THBS1: variants seen among roughly 807,000 people sequenced by gnomAD.
THBS1 encodes the protein thrombospondin-1.
In THBS1, 29 loss-of-function variants were observed where a neutral mutation model predicts 126.1. The observed-to-expected ratio is 0.23, with a 90% confidence interval of 0.17 to 0.31. The LOEUF is 0.31. THBS1 is among the 10% of genes least tolerant of loss of function. THBS1 has a pLI of 1.00. For synonymous variants in THBS1, 496 were observed against 577.8 expected (o/e 0.86, Z 2.03); for missense variants, 1,198 against 1,545.2 (o/e 0.78, Z 3.77).
chr15:39,591,010 T>G (rs1373932898), intron 14 of THBS1, 181 bp from the exon 15 acceptor site: 1 of 676,918 alleles, frequency 1.5e-6, no homozygotes, highest in Non-Finnish European at 2.4e-6. Context: ...GGATCCATTT[T>G]TTTAACTATG....
rs1236963986 is a variant in THBS1, at chr15:39,596,635, G to A, written c.*1266G>A. On this transcript the variant is annotated 3_prime_UTR_variant, in exon 22 of 22. Coordinates refer to ENST00000260356, the MANE Select transcript of THBS1 (RefSeq NM_003246.4). Reference sequence around the variant, plus strand: ...AGCACAAGGAAAATCAGTCTAATAAGCTGCTCTGCCCCTTGTGCTCAGAGT... The same window carrying A: ...AGCACAAGGAAAATCAGTCTAATAAACTGCTCTGCCCCTTGTGCTCAGAGT... 6.6e-6 allele frequency: 1 copy of A among 152,186 alleles called. No homozygotes were observed. Among genetic ancestry groups the A allele is most frequent in the African/African-American group, 2.4e-5 (1 of 41,448 alleles). The allele number at this position is 152,186 out of a possible 1,614,324, so 9.4% of individuals were successfully genotyped here.
chr15:39,595,450 C>T lies in THBS1; in HGVS notation c.*81C>T, dbSNP rs1460673305. The T allele has an allele frequency of 2.7e-6, 4 of 1,462,938 alleles. No individual in the cohort carries two copies. The highest frequency in any genetic ancestry group is 3.6e-6 in the Non-Finnish European group (4 of 1,100,976). The allele number at this position is 1,462,938 out of a possible 1,614,324, so 90.6% of individuals were successfully genotyped here. Reference sequence around the variant, plus strand: ...CTGGAACTATGGGCTTGAGAAAACCCCCAGGATCACTTCTCCTTGGCTTCC... The same window carrying T: ...CTGGAACTATGGGCTTGAGAAAACCTCCAGGATCACTTCTCCTTGGCTTCC... On this transcript the variant is annotated 3_prime_UTR_variant, in exon 22 of 22. Coordinates refer to ENST00000260356, the MANE Select transcript of THBS1 (RefSeq NM_003246.4).
chr15:39,582,980 G>A (rs972255890), intron 3 of THBS1, among the ~76,000 whole-genome samples: 2 of 152,224 alleles, frequency 1.3e-5, no homozygotes, highest in African/African-American at 4.8e-5. Flanking sequence ...TGATGCTGAT[G>A]CCGGTGGTCT....
At chr15:39,584,454 C>G (rs374399180) in intron 6 of THBS1, 32 bp downstream of exon 6, 27 of 1,611,774 alleles carry the variant, frequency 1.7e-5, no homozygotes, top group Non-Finnish European at 2.2e-5. Flanking sequence ...GAATAAGAAT[C>G]GACGGCTTTT....
In THBS1 at chr15:39,582,483, G is replaced by T; in HGVS notation, c.358G>T (p.Val120Leu). Residue 120 changes from valine to leucine, a missense_variant, in exon 3 of 22, where the codon GTG becomes TTG. Physicochemically the swap from Val to Leu is conservative, Grantham distance 32. Transcript: ENST00000260356. ...CCACTCTGGCCAGGTCTTCAGCGTG[G>T]TGTCCAATGGCAAGGCGGGCACCCT... ...KDHSGQVFSVVSNGKAGTLDL... is the reference protein window; with the variant it reads ...KDHSGQVFSVLSNGKAGTLDL... The T allele has an allele frequency of 1.2e-6, 2 of 1,614,150 alleles. No individual in the cohort carries two copies. The highest frequency in any genetic ancestry group is 1.7e-6 in the Non-Finnish European group (2 of 1,179,992).
Position 39,589,048 on chromosome 15 carries a change from T to C in THBS1, c.1735T>C (p.Tyr579His), listed in dbSNP as rs778949620. Residue 579 changes from tyrosine (Y) to histidine (H), a missense_variant, in exon 11 of 22, where the codon TAC (tyrosine) becomes CAC (histidine). Around this residue, in one of 4 missense-constraint regions of THBS1, gnomAD observed 663 missense variants for 860.1 expected, o/e 0.77. Transcript: ENST00000260356. The surrounding 1 kb of genome is among the most constrained non-coding windows in gnomAD (Gnocchi z 4.7). ...SWKCGACPPGYSGNGIQCTDV... is the reference protein window; with the variant it reads ...SWKCGACPPGHSGNGIQCTDV... ...GAAATGTGGTGCTTGTCCCCCTGGT[T>C]ACAGTGGAAATGGCATCCAGTGCAC... 4 of 1,614,152 alleles carry C rather than the reference T, an allele frequency of 2.5e-6. No individual in the cohort carries two copies. The highest frequency in any genetic ancestry group is 3.4e-6 in the Non-Finnish European group (4 of 1,180,028).
At position 39,582,472 on chromosome 15, in the gene THBS1, T is replaced by A; in HGVS notation, c.347T>A (p.Val116Asp). 1 of 1,614,078 alleles carries A rather than the reference T, an allele frequency of 6.2e-7. No homozygotes were observed. The highest frequency in any genetic ancestry group is 8.5e-7 in the Non-Finnish European group (1 of 1,179,992). The change falls in exon 3 of 22, where the codon GTC becomes GAC. Residue 116 changes from valine (V) to aspartate (D), a missense_variant. By Grantham distance (152) the Val-to-Asp change is radical. Transcript: ENST00000260356. ...ALERKDHSGQ[V>D]FSVVSNGKAG... is the part of the protein sequence containing the mutation. ...GAGCGGAAAGACCACTCTGGCCAGG[T>A]CTTCAGCGTGGTGTCCAATGGCAAG...
rs1367730404 is a variant in THBS1, at chr15:39,589,935, G to C, written c.2057G>C (p.Gly686Ala). The C allele has an allele frequency of 3.1e-6, 5 of 1,614,104 alleles. No individual in the cohort carries two copies. The highest frequency in any genetic ancestry group is 4.2e-6 in the Non-Finnish European group (5 of 1,180,010). ...TGCAAGCCTGGCTACGCTGGCAATG[G>C]CATCATCTGCGGGGAGGACACAGAC... Reference protein sequence around the residue: ...CECKPGYAGNGIICGEDTDLD... With the variant: ...CECKPGYAGNAIICGEDTDLD... Residue 686 changes from glycine to alanine, a missense_variant, in exon 13 of 22, where the codon GGC becomes GCC. This residue lies in a region of THBS1 where 663 missense variants were observed against 860.1 expected (regional missense o/e 0.77). Coordinates refer to ENST00000260356, the MANE Select transcript of THBS1 (RefSeq NM_003246.4). The surrounding 1 kb of genome is among the most constrained non-coding windows in gnomAD (Gnocchi z 4.7).
In THBS1 at chr15:39,594,720, C is replaced by T. The variant is rs191040173; in HGVS notation, c.3505+280C>T. ...CAGAAAAGCTCCTATATAATTTGGACTTCATTAATAATACTGTTCTTTACA... is the reference window on the plus strand; with the variant it reads ...CAGAAAAGCTCCTATATAATTTGGATTTCATTAATAATACTGTTCTTTACA... On this transcript the variant is annotated intron_variant, in intron 21 of 21. Coordinates refer to ENST00000260356, the MANE Select transcript of THBS1 (RefSeq NM_003246.4). This position sits in a 1 kb window ranked among gnomAD's most constrained non-coding sequence, Gnocchi z 4.4. 8.1e-4 allele frequency among the ~76,000 whole-genome samples: 123 copies of T among 152,268 alleles called. 1 individual carries two copies. The highest frequency in any genetic ancestry group is 2.8e-3 in the African/African-American group (117 of 41,546).
chr15:39,587,976 G>A, intron 8 of THBS1, 66 bp from the exon 9 acceptor site: 1 of 1,502,954 alleles, frequency 6.7e-7, no homozygotes, highest in Non-Finnish European at 9.1e-7. Flanking sequence ...GCGTGCTCCT[G>A]ATGGGAGCCT....
At position 39,591,118 on chromosome 15, in the gene THBS1, T is replaced by C; in HGVS notation, c.2254-73T>C. On this transcript the variant is annotated intron_variant, in intron 14 of 21. Coordinates refer to ENST00000260356, the MANE Select transcript of THBS1 (RefSeq NM_003246.4). ...CTGATTTTCACAGTTTTAGACATAT[T>C]ATGCACATGGTTTGAGGCTTGAGCT... 3 of 1,523,938 alleles carry C rather than the reference T, an allele frequency of 2.0e-6. No individual in the cohort carries two copies. In the Middle Eastern group the frequency reaches 5.2e-4, roughly 265 times the overall value. The allele number at this position is 1,523,938 out of a possible 1,614,324, so 94.4% of individuals were successfully genotyped here. A position where few individuals can be genotyped will look rare whatever the true frequency, so the allele number is the denominator to read the frequency against.
rs1218745443 is a variant in THBS1 at position 39,587,512 on chromosome 15, A to G, written c.1286A>G (p.Asp429Gly). ...CGGACCTGCCACATTCAGGAGTGTG[A>G]CAAGAGATGTAAGCATCTTAGCCTC... ...QTRTCHIQEC[D>G]KRFKQDGGWS... Residue 429 changes from aspartate to glycine, a missense_variant, in exon 8 of 22, where the codon GAC (aspartate) becomes GGC (glycine). Asp to Gly is a moderately conservative substitution (Grantham distance 94). Coordinates refer to ENST00000260356, the MANE Select transcript of THBS1 (RefSeq NM_003246.4). The G allele has an allele frequency of 1.9e-6, 3 of 1,612,410 alleles. No homozygotes were observed. The highest frequency in any genetic ancestry group is 1.7e-6 in the Non-Finnish European group (2 of 1,178,884).
Position 39,592,699 on chromosome 15 carries a change from T to C in THBS1, c.2664T>C (p.Asp888=). ...PNANQADHDK[D]GKGDACDHDD... is the part of the protein sequence containing the mutation. ...CCAACCAGGCTGACCATGACAAAGA[T>C]GGCAAGGGAGATGCCTGTGACCACG... The change falls in exon 17 of 22, where the codon GAT becomes GAC. Residue 888 remains aspartate, a synonymous_variant. Coordinates refer to ENST00000260356, the MANE Select transcript of THBS1 (RefSeq NM_003246.4). This position sits in a 1 kb window ranked among gnomAD's most constrained non-coding sequence, Gnocchi z 4.3. The C allele has an allele frequency of 6.2e-7, 1 of 1,614,204 alleles. No individual in the cohort carries two copies. Among genetic ancestry groups the C allele is most frequent in the Non-Finnish European group, 8.5e-7 (1 of 1,180,042 alleles).
In THBS1 at chr15:39,592,740, G is replaced by A. The variant is rs1393596775; in HGVS notation, c.2705G>A (p.Gly902Asp). 1.9e-6 allele frequency: 3 copies of A among 1,614,040 alleles called. No homozygotes were observed. The African/African-American group carries it at 4.0e-5, about 22-fold the overall frequency. Residue 902 changes from glycine (G) to aspartate (D), a missense_variant, in exon 17 of 22, where the codon GGC becomes GAC. Coordinates refer to ENST00000260356, the MANE Select transcript of THBS1 (RefSeq NM_003246.4). This position sits in a 1 kb window ranked among gnomAD's most constrained non-coding sequence, Gnocchi z 4.3. ...DACDHDDDND[G>D]IPDDKDNCRL... The stretch of plus-strand genomic sequence containing the variant: ...TGTGACCACGATGATGACAACGATG[G>A]CATTCCTGATGACAAGGACAACTGC...
intron 13 of THBS1, among the ~76,000 whole-genome samples, chr15:39,590,232 A>C (rs762877685): frequency 3.9e-5 from 6 of 152,224 alleles, no homozygotes; most frequent in Non-Finnish European, 8.8e-5. Flanking sequence ...ACTGTGTTCC[A>C]TAGTCAACTC....
rs553238054 is a variant in THBS1, at chr15:39,595,518, G to A, written c.*149G>A. On this transcript the variant is annotated 3_prime_UTR_variant, in exon 22 of 22. Coordinates refer to ENST00000260356, the MANE Select transcript of THBS1 (RefSeq NM_003246.4). The stretch of plus-strand genomic sequence containing the variant: ...ATCAGTGTGGACTCCTAGAACGTGC[G>A]ACCTGCCTCAAGAAAATGCAGTTTT... The A allele has an allele frequency of 1.6e-5, 17 of 1,031,306 alleles. 1 individual carries two copies. Among genetic ancestry groups the A allele is most frequent in the Admixed American group, 5.4e-5 (2 of 36,986 alleles). The allele number at this position is 1,031,306 out of a possible 1,614,324, so 63.9% of individuals were successfully genotyped here.
At position 39,596,726 on chromosome 15, in the gene THBS1, T is replaced by G. The variant is rs1052972659; in HGVS notation, c.*1357T>G. 1 of 152,270 alleles carries G rather than the reference T, an allele frequency of 6.6e-6. No individual in the cohort carries two copies. Among genetic ancestry groups the G allele is most frequent in the Non-Finnish European group, 1.5e-5 (1 of 68,042 alleles). The allele number at this position is 152,270 out of a possible 1,614,324, so 9.4% of individuals were successfully genotyped here. A position where few individuals can be genotyped will look rare whatever the true frequency, so the allele number is the denominator to read the frequency against. On this transcript the variant is annotated 3_prime_UTR_variant, in exon 22 of 22. Coordinates refer to ENST00000260356, the MANE Select transcript of THBS1 (RefSeq NM_003246.4). ...AAGTGGAATTAGTTGGTTATCCATT[T>G]GCAAATGTTTTAAATTGCAAAGAAA...
At chr15:39,586,382 C>A (rs1461370386) in intron 7 of THBS1, among the ~76,000 whole-genome samples, 2 of 152,190 alleles carry the variant, frequency 1.3e-5, no homozygotes, top group African/African-American at 4.8e-5. Context: ...AGGAACAAAG[C>A]TAGCTGGAGG....
Position 39,589,442 on chromosome 15 carries a change from C to G in THBS1, c.1926+88C>G, listed in dbSNP as rs910330924. On this transcript the variant is annotated intron_variant, in intron 12 of 21. Transcript: ENST00000260356. The surrounding 1 kb of genome is among the most constrained non-coding windows in gnomAD (Gnocchi z 4.7). ...GAGCGGGAGGAATGTAATTTCATAC[C>G]CTTCACCAAAAAAAAAAGGGCGAGG... 6.7e-7 allele frequency: 1 copy of G among 1,497,574 alleles called. No individual in the cohort carries two copies. Among genetic ancestry groups the G allele is most frequent in the East Asian group, 2.3e-5 (1 of 43,246 alleles). 92.8% of individuals were successfully genotyped at this position (1,497,574 alleles called of 1,614,324 possible).
Sources: gnomAD v4.1 joint callset for allele counts (sites outside exome capture counted in the v4.1 genomes callset) on GRCh38, gnomAD v4.1.1 for gene constraint, gnomAD v4.1.1 regional missense constraint, Gnocchi (gnomAD v3.1) non-coding constraint, MANE v1.5 for transcripts, NCBI Gene and HGNC (gene_info 2026-07-23, HGNC 2026-07-21) for gene names.